FOCAD: variants seen among roughly 807,000 people sequenced by gnomAD.
FOCAD encodes the protein KIAA1797.
Under a neutral mutation model 225.6 loss-of-function variants are expected in FOCAD, and 198 were observed. The observed-to-expected ratio is 0.88, with a 90% confidence interval of 0.78 to 0.99. The LOEUF is 0.99. FOCAD is among the 50% of genes least tolerant of loss of function. FOCAD has a pLI of 0.00. For synonymous variants in FOCAD, 897 were observed against 755.0 expected (o/e 1.19, Z -3.08); for missense variants, 2,713 against 2,123.6 (o/e 1.28, Z -5.46).
intron 15 of FOCAD, among the ~76,000 whole-genome samples, chr9:20,828,215 C>T (rs1332868030): frequency 6.6e-6 from 1 of 151,420 alleles, no homozygotes; most frequent in Non-Finnish European, 1.5e-5. Flanking sequence ...AAAAAAGTAA[C>T]TATGTAAGAT....
At chr9:20,863,174 AT>A (rs1417706192) in intron 16 of FOCAD, 1 of 151,702 alleles carries the variant, frequency 6.6e-6, no homozygotes, top group Non-Finnish European at 1.5e-5. Flanking sequence ...ACTGCTTAAT[AT>A]TTTCTTAATT....
chr9:20,873,174 G>A (rs1322885857), intron 18 of FOCAD, among the ~76,000 whole-genome samples: 1 of 151,876 alleles, frequency 6.6e-6, no homozygotes, highest in Non-Finnish European at 1.5e-5. Flanking sequence ...CATTTCTCTT[G>A]GTTATATACC....
intron 21 of FOCAD, among the ~76,000 whole-genome samples, chr9:20,903,913 C>G (rs1360874040): frequency 6.6e-6 from 1 of 151,856 alleles, no homozygotes; most frequent in East Asian, 1.9e-4. Flanking sequence ...CTCCTCGTTT[C>G]TTCCTGTCTT....
chr9:20,693,278 T>C (rs1210306766), intron 1 of FOCAD, among the ~76,000 whole-genome samples: 1 of 152,200 alleles, frequency 6.6e-6, no homozygotes, highest in Non-Finnish European at 1.5e-5. Context: ...TAGAGTCTTC[T>C]TTTCTGAGAT....
At chr9:20,991,009 T>C (rs376212607) in intron 42 of FOCAD, among the ~76,000 whole-genome samples, 23 of 152,310 alleles carry the variant, frequency 1.5e-4, no homozygotes, top group African/African-American at 5.5e-4. Flanking sequence ...TTTAGTTTGC[T>C]GTTCAGTCTA....
chr9:20,679,510 T>C (rs1363729349), upstream of FOCAD, among the ~76,000 whole-genome samples: 2 of 152,156 alleles, frequency 1.3e-5, no homozygotes, highest in African/African-American at 4.8e-5. Context: ...ACAGTGTCTT[T>C]TTTTTGTTAG....
chr9:20,903,148 C>T (rs1256212611), intron 21 of FOCAD, among the ~76,000 whole-genome samples: 3 of 151,848 alleles, frequency 2.0e-5, no homozygotes, highest in Non-Finnish European at 4.4e-5. Flanking sequence ...GGCCCTTTCC[C>T]CACCTCCATC....
intron 10 of FOCAD, 85 bp downstream of exon 10, chr9:20,782,014 C>A: frequency 8.6e-7 from 1 of 1,165,614 alleles, no homozygotes; most frequent in Non-Finnish European, 1.3e-6. Flanking sequence ...CCTGATGAAG[C>A]ATCTGTTTGT....
intron 39 of FOCAD, among the ~76,000 whole-genome samples, chr9:20,985,535 G>A (rs761853195): frequency 5.3e-5 from 8 of 152,156 alleles, no homozygotes; most frequent in Non-Finnish European, 7.4e-5. Context: ...TACCCAGGTT[G>A]AATAACCATA....
intron 1 of FOCAD, among the ~76,000 whole-genome samples, chr9:20,714,259 A>G (rs1468781410): frequency 1.3e-5 from 2 of 152,160 alleles, no homozygotes; most frequent in Non-Finnish European, 2.9e-5. Context: ...GTGCTCAAAA[A>G]GTTTCAGATT....
intron 35 of FOCAD, among the ~76,000 whole-genome samples, chr9:20,975,260 T>TGCACCACACA (rs1840130051): frequency 6.6e-6 from 1 of 152,196 alleles, no homozygotes; most frequent in Admixed American, 6.6e-5. Context: ...CACCATATGT[T>TGCACCACACA]TGCACTCACA....
rs1835264067 is a variant in FOCAD, at chr9:20,929,449, C to G, written c.3170C>G (p.Ser1057Cys). The change falls in exon 27 of 44, where the codon TCT (serine) becomes TGT (cysteine). Residue 1057 changes from serine (S) to cysteine (C), a missense_variant. By Grantham distance (112) the Ser-to-Cys change is moderately radical. Transcript: ENST00000338382. ...CTCCTTGTGCCAGTTTTCATTATCTCTTGCAAAGAGAAGGTTGAGGAAATC... is the reference window on the plus strand; with the variant it reads ...CTCCTTGTGCCAGTTTTCATTATCTGTTGCAAAGAGAAGGTTGAGGAAATC... ...LSLLVPVFII[S>C]CKEKVEEILN... 1 of 1,614,132 alleles carries G rather than the reference C, an allele frequency of 6.2e-7. No individual in the cohort carries two copies. Among genetic ancestry groups the G allele is most frequent in the Non-Finnish European group, 8.5e-7 (1 of 1,180,022 alleles).
Position 20,946,747 on chromosome 9 carries a change from C to T in FOCAD, c.3602C>T (p.Ala1201Val), listed in dbSNP as rs1396096881. Residue 1201 changes from alanine to valine, a missense_variant, in exon 30 of 44, where the codon GCT becomes GTT. Coordinates refer to ENST00000338382, the MANE Select transcript of FOCAD (RefSeq NM_001375567.1). ...LSCVCTSAFS[A>V]GIIEATEAED... ...TGTGTATGTACATCAGCGTTCAGTG[C>T]TGGAATTATTGAGGCTACAGAGGCT... is the stretch of plus-strand genomic sequence containing the variant. 10 of 1,613,672 alleles carry T rather than the reference C, an allele frequency of 6.2e-6. No individual in the cohort carries two copies. The highest frequency in any genetic ancestry group is 6.8e-6 in the Non-Finnish European group (8 of 1,179,768).
At chr9:20,744,133 T>C (rs1032880213) in intron 5 of FOCAD, among the ~76,000 whole-genome samples, 2 of 152,268 alleles carry the variant, frequency 1.3e-5, no homozygotes, top group African/African-American at 4.8e-5. Context: ...CACATGTTAG[T>C]GTTCTTCATG....
At chr9:20,950,527 A>C (rs1837592670) in intron 33 of FOCAD, among the ~76,000 whole-genome samples, 1 of 152,194 alleles carries the variant, frequency 6.6e-6, no homozygotes, top group Non-Finnish European at 1.5e-5. Flanking sequence ...GTGGGAGAAA[A>C]AATCTGTAAA....
intron 5 of FOCAD, among the ~76,000 whole-genome samples, chr9:20,746,858 C>T (rs1563938695): frequency 6.6e-6 from 1 of 152,096 alleles, no homozygotes; most frequent in Non-Finnish European, 1.5e-5. Flanking sequence ...AGCCTTTTAA[C>T]ATCTGGAACT....
intron 43 of FOCAD, among the ~76,000 whole-genome samples, chr9:20,994,900 C>T (rs1841942528): frequency 6.6e-6 from 1 of 152,138 alleles, no homozygotes; most frequent in Admixed American, 6.5e-5. Flanking sequence ...AATTGTGTAA[C>T]TCTGGCTTAC....
chr9:20,810,549 A>T (rs1822948053), intron 11 of FOCAD, among the ~76,000 whole-genome samples: 1 of 152,170 alleles, frequency 6.6e-6, no homozygotes, highest in Non-Finnish European at 1.5e-5. Flanking sequence ...TGGATACAGG[A>T]ATTCAGTCAC....
chr9:20,918,629 C>G (rs1834080040), intron 24 of FOCAD, among the ~76,000 whole-genome samples: 2 of 151,044 alleles, frequency 1.3e-5, no homozygotes, highest in African/African-American at 4.9e-5. Context: ...GAGGCTGAGG[C>G]AGGAGAATGG....
Sources: allele counts gnomAD v4.1 joint callset (sites outside exome capture counted in the v4.1 genomes callset), GRCh38; gene constraint gnomAD v4.1.1; transcripts MANE v1.5; gene names NCBI Gene and HGNC (gene_info 2026-07-23, HGNC 2026-07-21).